RSPH14: variants seen among roughly 807,000 people sequenced by gnomAD.
RSPH14 encodes the protein rhabdoid tumor deletion region gene 1.
RSPH14 carries 20 observed loss-of-function variants against 26.7 expected under a neutral mutation model. The ratio of observed to expected loss-of-function variants is 0.75; its 90% CI spans 0.53 to 1.09. The LOEUF (loss-of-function observed/expected upper bound fraction) is 1.09. Ranked by LOEUF, RSPH14 falls within the 50% of genes least tolerant of loss-of-function variation. The probability of loss-of-function intolerance (pLI) is 0.00; values close to 1 mark genes in which losing one functional copy is unlikely to be tolerated. For missense variants in RSPH14, 449 were observed against 457.2 expected (o/e 0.98, Z 0.16); for synonymous variants, 177 against 189.3 (o/e 0.93, Z 0.53).
chr22:23,123,110 C>T (rs2070078490), intron 4 of RSPH14: 1 of 1,613,338 alleles, frequency 6.2e-7, no homozygotes, highest in African/African-American at 1.3e-5. Flanking sequence ...AGAGCTTGCG[C>T]CTCTTTGACT....
the RSPH14 span, among the ~76,000 whole-genome samples, chr22:23,166,400 A>T: frequency 3.3e-5 from 5 of 151,738 alleles, no homozygotes; most frequent in Non-Finnish European, 5.9e-5. Flanking sequence ...GGGAGAGAGT[A>T]AGATGAAGGG....
At chr22:23,168,910 CT>C in the RSPH14 span, among the ~76,000 whole-genome samples, 1 of 152,184 alleles carries the variant, frequency 6.6e-6, no homozygotes, top group Non-Finnish European at 1.5e-5. Context: ...GTTGGCACCC[CT>C]AGCCTGAGGG....
chr22:23,123,600 T>G, intron 4 of RSPH14: 1 of 600,970 alleles, frequency 1.7e-6, no homozygotes, highest in Non-Finnish European at 3.0e-6. Flanking sequence ...CATAAATATT[T>G]ACGGATAGAT....
At position 23,114,794 on chromosome 22, in the gene RSPH14, G is replaced by A. The variant is rs553802150; in HGVS notation, c.421+19232C>T. ...TTGGCCACTCCGCAGCTGCCACACC[G>A]GCTCCAGCATTCCCTCCTGCCTGTC... is the stretch of plus-strand genomic sequence containing the variant. On this transcript the variant is annotated intron_variant, in intron 4 of 6. Transcript: ENST00000216036. 6.6e-5 allele frequency among the ~76,000 whole-genome samples: 10 copies of A among 152,318 alleles called. No individual in the cohort carries two copies. In the East Asian group the frequency reaches 1.7e-3, roughly 26 times the overall value.
the RSPH14 span, chr22:23,159,379 A>G: frequency 2.1e-5 from 19 of 902,716 alleles, no homozygotes; most frequent in South Asian, 3.3e-4. Context: ...CCTGGTGCAC[A>G]CTGGCATCAC....
the RSPH14 span, chr22:23,180,155 G>T: frequency 8.3e-6 from 2 of 242,246 alleles, no homozygotes; most frequent in South Asian, 1.3e-4. Context: ...TTGGGGACAC[G>T]CGGCTGGACT....
chr22:23,076,593 T>G (rs1443540611), intron 4 of RSPH14, among the ~76,000 whole-genome samples: 2 of 152,154 alleles, frequency 1.3e-5, no homozygotes, highest in South Asian at 4.1e-4. Flanking sequence ...TGGGTTACTC[T>G]CAAGCCAGAG....
chr22:23,163,418 A>ACG, the RSPH14 span: 1 of 148,896 alleles, frequency 6.7e-6, no homozygotes, highest in Non-Finnish European at 1.5e-5. Flanking sequence ...TTTAGTAGAG[A>ACG]GAGGTTTCAC....
At position 23,074,902 on chromosome 22, in the gene RSPH14, C is replaced by T. The variant is rs550774912; in HGVS notation, c.422-10769G>A. 2.6e-5 allele frequency among the ~76,000 whole-genome samples: 4 copies of T among 152,194 alleles called. No individual in the cohort carries two copies. The South Asian group carries it at 8.3e-4, about 32-fold the overall frequency. ...AATTATTAAGGGCCTGACATGATGG[C>T]GCACACCTGTAATCCTATACTATGG... On this transcript the variant is annotated intron_variant, in intron 4 of 6. Coordinates refer to ENST00000216036, the MANE Select transcript of RSPH14 (RefSeq NM_014433.3).
the RSPH14 span, chr22:23,159,360 C>T: frequency 1.8e-6 from 2 of 1,102,732 alleles, no homozygotes; most frequent in Admixed American, 2.6e-5. Context: ...CGTCTGTTCC[C>T]TCTGTGGCCC....
chr22:23,130,060 AAAGAAAGAAAGAAAGAAAGAAAGG>A (rs1267360371), intron 4 of RSPH14, among the ~76,000 whole-genome samples: 4,847 of 43,182 alleles, frequency 0.11, 361 homozygotes, highest in African/African-American at 0.19. Flanking sequence ...AGAGAAAGAA[AAAGAAAGAAAGAAAGAAAGAAAGG>A]AAGAAAGAAA....
the RSPH14 span, chr22:23,153,088 G>A: frequency 6.2e-7 from 1 of 1,614,154 alleles, no homozygotes; most frequent in Non-Finnish European, 8.5e-7. Flanking sequence ...GGTGGACTTT[G>A]AAATTGAGCG....
intron 4 of RSPH14, among the ~76,000 whole-genome samples, chr22:23,073,161 T>C (rs993298144): frequency 1.3e-5 from 2 of 152,240 alleles, no homozygotes; most frequent in Non-Finnish European, 2.9e-5. Context: ...CTCTCACTGC[T>C]GCTGACCATG....
chr22:23,111,916 C>T (rs2069670006), intron 4 of RSPH14, among the ~76,000 whole-genome samples: 2 of 152,226 alleles, frequency 1.3e-5, no homozygotes, highest in Non-Finnish European at 2.9e-5. Flanking sequence ...TGTCTGATCA[C>T]AGAGTGTGTC....
intron 4 of RSPH14, among the ~76,000 whole-genome samples, chr22:23,087,130 G>T (rs776893306): frequency 6.6e-5 from 10 of 152,354 alleles, no homozygotes; most frequent in Non-Finnish European, 1.2e-4. Context: ...GGGAGCTGAT[G>T]TAGGGACGGC....
intron 2 of RSPH14, 31 bp downstream of exon 2, chr22:23,140,191 G>T (rs2070564685): frequency 6.2e-7 from 1 of 1,610,146 alleles, no homozygotes; most frequent in Non-Finnish European, 8.5e-7. Flanking sequence ...TAGGACCCCA[G>T]TCATGGTCAC....
chr22:23,065,657 G>A (rs1158571046), intron 4 of RSPH14, among the ~76,000 whole-genome samples: 2 of 149,344 alleles, frequency 1.3e-5, no homozygotes, highest in East Asian at 2.0e-4. Flanking sequence ...TCACTGAAAC[G>A]GGCCTACCTG....
At chr22:23,178,379 G>C in the RSPH14 span, among the ~76,000 whole-genome samples, 1 of 149,286 alleles carries the variant, frequency 6.7e-6, no homozygotes, top group Non-Finnish European at 1.5e-5. Flanking sequence ...TCACTCCACT[G>C]CACTCCAGCC....
intron 4 of RSPH14, among the ~76,000 whole-genome samples, chr22:23,070,094 G>A (rs1026896512): frequency 5.9e-5 from 9 of 152,096 alleles, no homozygotes; most frequent in Non-Finnish European, 4.4e-5. Flanking sequence ...CCGGCGCGGG[G>A]AGCTCTTGCG....
Sources: allele counts gnomAD v4.1 joint callset (sites outside exome capture counted in the v4.1 genomes callset), GRCh38; gene constraint gnomAD v4.1.1; transcripts MANE v1.5; gene names NCBI Gene and HGNC (gene_info 2026-07-23, HGNC 2026-07-21).